Variants in SLC36A1 observed in about 807,000 individuals in gnomAD.
SLC36A1 encodes proton-coupled amino acid transporter 1.
SLC36A1 carries 30 observed loss-of-function variants against 47.5 expected under a neutral mutation model. That is an observed-to-expected ratio of 0.63 (90% CI 0.47 to 0.86). The LOEUF (loss-of-function observed/expected upper bound fraction) is 0.86, where lower values mean the gene tolerates loss of function less well. SLC36A1 is among the 40% of genes least tolerant of loss of function. The pLI, the probability that SLC36A1 is intolerant of heterozygous loss-of-function variation, is 0.00. For missense variants in SLC36A1, 517 were observed against 606.0 expected (o/e 0.85, Z 1.54); for synonymous variants, 255 against 249.7 (o/e 1.02, Z -0.20).
the SLC36A1 span, chr5:151,542,514 A>G: frequency 2.3e-5 from 37 of 1,614,156 alleles, no homozygotes; most frequent in South Asian, 3.5e-4. Flanking sequence ...CATGAAAATG[A>G]TAAGTCTGGC....
chr5:151,474,178 A>AAAAAAAAGAGAG (rs776318482), intron 8 of SLC36A1, among the ~76,000 whole-genome samples: 1 of 119,008 alleles, frequency 8.4e-6, no homozygotes, highest in African/African-American at 4.5e-5. Flanking sequence ...AAAAAAAAAA[A>AAAAAAAAGAGAG]AGAAATTATC....
the SLC36A1 span, among the ~76,000 whole-genome samples, chr5:151,419,732 G>C: frequency 6.6e-6 from 1 of 152,072 alleles, no homozygotes; most frequent in Non-Finnish European, 1.5e-5. Context: ...CTGGACTGGG[G>C]ATCAACTTTG....
At chr5:151,458,687 A>G (rs1191102509) in intron 1 of SLC36A1, 101 bp from the exon 2 acceptor site, 17 of 1,286,752 alleles carry the variant, frequency 1.3e-5, no homozygotes, top group Non-Finnish European at 1.4e-5. Flanking sequence ...TGTCACAGTG[A>G]GCAACTCTGA....
intron 5 of SLC36A1, among the ~76,000 whole-genome samples, chr5:151,465,510 C>T (rs1756222168): frequency 6.6e-6 from 1 of 152,130 alleles, no homozygotes; most frequent in Non-Finnish European, 1.5e-5. Flanking sequence ...TGGAACAAAA[C>T]AGTTCTAGGT....
chr5:151,413,112 CA>C, the SLC36A1 span, among the ~76,000 whole-genome samples: 1 of 151,060 alleles, frequency 6.6e-6, no homozygotes, highest in African/African-American at 2.4e-5. Flanking sequence ...GCTGTATTAC[CA>C]GCACAGTGGC....
chr5:151,451,685 A>C (rs1235984845), intron 1 of SLC36A1, among the ~76,000 whole-genome samples: 1 of 152,166 alleles, frequency 6.6e-6, no homozygotes, highest in Non-Finnish European at 1.5e-5. Flanking sequence ...ATTGTGATGT[A>C]GATGTTATTA....
At chr5:151,544,407 C>T in the SLC36A1 span, 1 of 1,614,078 alleles carries the variant, frequency 6.2e-7, no homozygotes, top group African/African-American at 1.3e-5. Flanking sequence ...TGACTGTGAA[C>T]ACATGTTTGG....
the SLC36A1 span, among the ~76,000 whole-genome samples, chr5:151,401,696 A>G: frequency 6.6e-6 from 1 of 152,098 alleles, no homozygotes; most frequent in East Asian, 1.9e-4. Context: ...TTCTTTCAGC[A>G]GTTTTGTAGT....
chr5:151,519,349 C>T, the SLC36A1 span, among the ~76,000 whole-genome samples: 1 of 152,132 alleles, frequency 6.6e-6, no homozygotes, highest in Non-Finnish European at 1.5e-5. Context: ...ATCTCAAAAA[C>T]AAAAACAAAA....
chr5:151,471,883 TA>T (rs1475165697), intron 7 of SLC36A1, among the ~76,000 whole-genome samples: 2 of 152,200 alleles, frequency 1.3e-5, no homozygotes, highest in Non-Finnish European at 2.9e-5. Context: ...TAAAACATTG[TA>T]AAAGGCTGTT....
Position 151,473,785 on chromosome 5 carries a change from T to G in SLC36A1, c.822+14T>G. 6.3e-7 allele frequency: 1 copy of G among 1,595,500 alleles called. No individual in the cohort carries two copies. The highest frequency in any genetic ancestry group is 8.6e-7 in the Non-Finnish European group (1 of 1,163,324). On this transcript the variant is annotated intron_variant, in intron 8 of 10. Coordinates refer to ENST00000243389, the MANE Select transcript of SLC36A1 (RefSeq NM_078483.4). ...GGCATTGGAATGGTAAGAGCTGCAC[T>G]GTGATTTGGGCTAGTGTTCTCTGGT...
At chr5:151,347,569 C>T in the SLC36A1 span, 12 of 1,429,472 alleles carry the variant, frequency 8.4e-6, no homozygotes, top group South Asian at 1.2e-5. Context: ...TGGTGTGTGC[C>T]CGGGCTGGCT....
At chr5:151,510,371 C>G in the SLC36A1 span, 1 of 566,586 alleles carries the variant, frequency 1.8e-6, no homozygotes, top group South Asian at 2.2e-5. Context: ...CCTCAAACAG[C>G]TTACAGCCCA....
chr5:151,543,387 G>T, the SLC36A1 span: 3 of 1,614,162 alleles, frequency 1.9e-6, no homozygotes, highest in Non-Finnish European at 2.5e-6. Flanking sequence ...GTGGGGGGTT[G>T]TCATTTTCAT....
At chr5:151,434,061 A>G (rs1421079447), upstream of SLC36A1, among the ~76,000 whole-genome samples, 1 of 152,250 alleles carries the variant, frequency 6.6e-6, no homozygotes, top group African/African-American at 2.4e-5. Flanking sequence ...ACAAGAACCT[A>G]GACTGATAGT....
At chr5:151,405,139 A>G in the SLC36A1 span, among the ~76,000 whole-genome samples, 1 of 152,158 alleles carries the variant, frequency 6.6e-6, no homozygotes, top group African/African-American at 2.4e-5. Context: ...CTGGTCTTTA[A>G]GCTCTGAAAT....
At chr5:151,512,713 G>C in the SLC36A1 span, 6 of 1,055,616 alleles carry the variant, frequency 5.7e-6, no homozygotes, top group Middle Eastern at 2.4e-4. This position sits in a 1 kb window ranked among gnomAD's most constrained non-coding sequence, Gnocchi z 4.1. Context: ...TGGGTAGGAG[G>C]GGGGTGTTTG....
the SLC36A1 span, chr5:151,537,779 C>A: frequency 6.2e-7 from 1 of 1,604,882 alleles, no homozygotes. Context: ...GATCCTGCAG[C>A]TCAGGAAACC....
chr5:151,538,603 A>G, the SLC36A1 span, among the ~76,000 whole-genome samples: 8 of 152,308 alleles, frequency 5.3e-5, no homozygotes, highest in African/African-American at 1.9e-4. Flanking sequence ...GCCTGCAAGC[A>G]TCATGGTTTC....
Sources: allele counts gnomAD v4.1 joint callset (sites outside exome capture counted in the v4.1 genomes callset), GRCh38; gene constraint gnomAD v4.1.1; non-coding constraint Gnocchi (gnomAD v3.1); transcripts MANE v1.5; gene names NCBI Gene and HGNC (gene_info 2026-07-23, HGNC 2026-07-21).